The following ATP6V0D2 variants were observed in gnomAD, a reference collection of about 807,000 sequenced individuals.
ATP6V0D2 encodes ATPase H+ transporting V0 subunit d2.
ATP6V0D2 carries 40 observed loss-of-function variants against 40.0 expected under a neutral mutation model. That is an observed-to-expected ratio of 1.00 (90% confidence interval 0.78 to 1.30). The LOEUF is 1.30. ATP6V0D2 is among the 50% of genes most tolerant of loss of function. The pLI is 0.00. For synonymous variants in ATP6V0D2, 179 were observed against 156.3 expected, an observed-to-expected ratio of 1.15 and a Z score of -1.08; for missense variants, 470 against 423.1, an observed-to-expected ratio of 1.11 and a Z score of -0.97.
At chr8:86,104,605 A>G (rs886068122) in intron 1 of ATP6V0D2, among the ~76,000 whole-genome samples, 3 of 152,164 alleles carry the variant, frequency 2.0e-5, no homozygotes, top group African/African-American at 7.2e-5. Context: ...AATAGAGGTT[A>G]CGTGAAGCTA....
intron 1 of ATP6V0D2, among the ~76,000 whole-genome samples, chr8:86,106,392 C>T (rs192417287): frequency 4.0e-4 from 61 of 152,264 alleles, no homozygotes; most frequent in Middle Eastern, 3.4e-3. Context: ...TTCAGCCTCC[C>T]AAAATGCTGG....
At chr8:86,117,855 C>G (rs1425683409) in intron 2 of ATP6V0D2, among the ~76,000 whole-genome samples, 1 of 152,028 alleles carries the variant, frequency 6.6e-6, no homozygotes, top group Non-Finnish European at 1.5e-5. Flanking sequence ...TCAGTTTTGG[C>G]TGGAGTGGGT....
At chr8:86,114,679 A>ATT (rs1818569746) in intron 2 of ATP6V0D2, among the ~76,000 whole-genome samples, 1 of 151,368 alleles carries the variant, frequency 6.6e-6, no homozygotes, top group South Asian at 2.1e-4. Context: ...CAAAAATAAA[A>ATT]TAAATTAAAA....
intron 2 of ATP6V0D2, among the ~76,000 whole-genome samples, chr8:86,116,409 CAG>C (rs1174441883): frequency 6.6e-6 from 1 of 152,038 alleles, no homozygotes; most frequent in East Asian, 1.9e-4. Context: ...TTTTTACAGA[CAG>C]AGTCTCACTT....
intron 2 of ATP6V0D2, among the ~76,000 whole-genome samples, chr8:86,138,999 G>T (rs758764220): frequency 2.6e-5 from 4 of 152,136 alleles, no homozygotes; most frequent in African/African-American, 9.7e-5. Context: ...AGGCCAAGGC[G>T]GGCAGATCAC....
chr8:86,150,328 A>G, intron 6 of ATP6V0D2, 40 bp downstream of exon 6: 12 of 1,575,156 alleles, frequency 7.6e-6, no homozygotes, highest in Non-Finnish European at 1.0e-5. Flanking sequence ...CTTTGTGTTC[A>G]TTCATTTCCA....
At chr8:86,122,208 C>A (rs548197098) in intron 2 of ATP6V0D2, among the ~76,000 whole-genome samples, 13 of 152,272 alleles carry the variant, frequency 8.5e-5, no homozygotes, top group Non-Finnish European at 1.8e-4. Context: ...TTCAAAGTAT[C>A]CCACCTCAGA....
intron 1 of ATP6V0D2, among the ~76,000 whole-genome samples, chr8:86,111,988 G>A (rs150541711): frequency 2.1e-3 from 320 of 152,288 alleles, no homozygotes; most frequent in African/African-American, 7.3e-3. Flanking sequence ...CTATCTTTGG[G>A]TCTCCTGTAG....
intron 3 of ATP6V0D2, among the ~76,000 whole-genome samples, chr8:86,140,970 A>G (rs1490971732): frequency 1.3e-5 from 2 of 152,172 alleles, no homozygotes; most frequent in Non-Finnish European, 2.9e-5. Context: ...GGAGACAGTG[A>G]CAGATCATCA....
chr8:86,103,373 C>T lies in ATP6V0D2; in HGVS notation c.130+4265C>T, dbSNP rs574620354. 5.9e-5 allele frequency among the ~76,000 whole-genome samples: 9 copies of T among 151,740 alleles called. No homozygotes were observed. The South Asian group carries it at 1.7e-3, about 28-fold the overall frequency. On this transcript the variant is annotated intron_variant, in intron 1 of 7. Transcript: ENST00000285393. ...CTCAAACTCCTAACCCCAGGTGATC[C>T]GCCTGCCTTGGCCTCCTAAAGTGCT... is the stretch of plus-strand genomic sequence containing the variant.
In ATP6V0D2 at chr8:86,113,741, G is replaced by T; in HGVS notation, c.163G>T (p.Gly55Cys). 6.2e-7 allele frequency: 1 copy of T among 1,612,218 alleles called. No individual in the cohort carries two copies. Among genetic ancestry groups the T allele is most frequent in the South Asian group, 1.1e-5 (1 of 90,684 alleles). ...AATTCATCTCCAGACTACTGATTAT[G>T]GTAACTTTTTGGCTAATCACACAAA... ...LKIHLQTTDY[G>C]NFLANHTNPL... Residue 55 changes from glycine (G) to cysteine (C), a missense_variant, in exon 2 of 8, where the codon GGT becomes TGT. Physicochemically the swap from Gly to Cys is radical, Grantham distance 159 (BLOSUM62 -3). Coordinates refer to ENST00000285393, the MANE Select transcript of ATP6V0D2 (RefSeq NM_152565.1).
At chr8:86,103,148 G>T (rs963832305) in intron 1 of ATP6V0D2, among the ~76,000 whole-genome samples, 2 of 151,632 alleles carry the variant, frequency 1.3e-5, no homozygotes, top group Non-Finnish European at 2.9e-5. Context: ...ACGGAGTTTA[G>T]CTCCTGTCAC....
At chr8:86,152,768 A>C in intron 7 of ATP6V0D2, 48 bp from the exon 8 acceptor site, 5 of 1,536,866 alleles carry the variant, frequency 3.3e-6, no homozygotes, top group Non-Finnish European at 4.4e-6. Flanking sequence ...TTATTCCATA[A>C]TGTTCCAAAT....
chr8:86,141,404 A>C (rs1279042691), intron 3 of ATP6V0D2, 46 bp from the exon 4 acceptor site: 6 of 1,457,804 alleles, frequency 4.1e-6, no homozygotes, highest in Non-Finnish European at 4.8e-6. Context: ...ACAGCTTATA[A>C]TCTTGCTTAA....
At chr8:86,150,758 A>G (rs1819138242) in intron 6 of ATP6V0D2, among the ~76,000 whole-genome samples, 1 of 152,212 alleles carries the variant, frequency 6.6e-6, no homozygotes, top group South Asian at 2.1e-4. Flanking sequence ...GCCAGAAATC[A>G]GGAGAGGAAA....
Position 86,151,453 on chromosome 8 carries a change from C to A in ATP6V0D2, c.817-13C>A, listed in dbSNP as rs372947956. On this transcript the variant is annotated splice_polypyrimidine_tract_variant and intron_variant, in intron 6 of 7. Coordinates refer to ENST00000285393, the MANE Select transcript of ATP6V0D2 (RefSeq NM_152565.1). ...ATGAAAATGTCTTTAAAATTAATGT[C>A]TTTGTTTTTAAGGTATACAAACCTT... The A allele has an allele frequency of 3.7e-5, 58 of 1,546,818 alleles. No individual in the cohort carries two copies. The African/African-American group carries it at 6.8e-4, about 18-fold the overall frequency.
Position 86,134,353 on chromosome 8 carries a change from T to C in ATP6V0D2, c.303-5104T>C, listed in dbSNP as rs1818868116. The stretch of plus-strand genomic sequence containing the variant: ...AACACAAAGGAAATGATAAAAAGAG[T>C]AATCTTGAAACAATGGGAAAAAAGA... On this transcript the variant is annotated intron_variant, in intron 2 of 7. Coordinates refer to ENST00000285393, the MANE Select transcript of ATP6V0D2 (RefSeq NM_152565.1). Among the ~76,000 whole-genome samples, 5 of 151,806 alleles carry C rather than the reference T, an allele frequency of 3.3e-5. No homozygotes were observed. The South Asian group carries it at 1.0e-3, about 32-fold the overall frequency.
Position 86,141,431 on chromosome 8 carries a change from T to A in ATP6V0D2, c.482-19T>A. 1 of 1,598,436 alleles carries A rather than the reference T, an allele frequency of 6.3e-7. No homozygotes were observed. The highest frequency in any genetic ancestry group is 8.5e-7 in the Non-Finnish European group (1 of 1,169,842). ...CTTGCTTAAGATTCATTTTTTGGTA[T>A]GGCAATTTCTGCTTTCAGCTCCATT... On this transcript the variant is annotated intron_variant, in intron 3 of 7. Transcript: ENST00000285393.
intron 1 of ATP6V0D2, among the ~76,000 whole-genome samples, chr8:86,112,666 G>C (rs1277477527): frequency 6.6e-6 from 1 of 151,990 alleles, no homozygotes; most frequent in African/African-American, 2.4e-5. Context: ...AGGGGTGGGG[G>C]AAGAAATTCT....
Sources: allele counts gnomAD v4.1 joint callset (sites outside exome capture counted in the v4.1 genomes callset), GRCh38; gene constraint gnomAD v4.1.1; transcripts MANE v1.5; gene names NCBI Gene and HGNC (gene_info 2026-07-23, HGNC 2026-07-21).